Variants in TAFA4 observed in about 807,000 individuals in gnomAD.
TAFA4 encodes the protein chemokine-like protein TAFA-4.
TAFA4 carries 20 observed loss-of-function variants against 21.1 expected under a neutral mutation model. The ratio of observed to expected loss-of-function variants is 0.95; its 90% CI spans 0.67 to 1.38. TAFA4 has a LOEUF of 1.38. Among genes scored for constraint, TAFA4 ranks in the 40% most tolerant of loss-of-function variants. The pLI is 0.00. For synonymous variants in TAFA4, 71 were observed against 67.4 expected (o/e 1.05, Z -0.26); for missense variants, 211 against 180.9 (o/e 1.17, Z -0.95).
chr3:68,885,431 G>A (rs2089661961), intron 1 of TAFA4, 121 bp from the exon 2 acceptor site: 1 of 529,610 alleles, frequency 1.9e-6, no homozygotes, highest in East Asian at 3.1e-5. Flanking sequence ...TCAGGCAAGT[G>A]GCAGACAGCC....
At chr3:68,755,252 A>G (rs1702639535) in intron 3 of TAFA4, among the ~76,000 whole-genome samples, 2 of 152,324 alleles carry the variant, frequency 1.3e-5, no homozygotes, top group South Asian at 4.1e-4. Flanking sequence ...GGTAATTTAC[A>G]TTGGAATCCA....
intron 2 of TAFA4, 25 bp from the exon 3 acceptor site, chr3:68,880,870 C>A: frequency 6.3e-7 from 1 of 1,598,440 alleles, no homozygotes; most frequent in South Asian, 1.1e-5. Flanking sequence ...GGGCTGGAGT[C>A]AGTGAGGGCT....
chr3:68,789,343 T>C (rs1050475068), intron 3 of TAFA4, among the ~76,000 whole-genome samples: 4 of 152,232 alleles, frequency 2.6e-5, no homozygotes, highest in African/African-American at 4.8e-5. Context: ...TGCTGGCCTA[T>C]GCACTTCTTT....
chr3:68,801,059 T>C (rs756312403), intron 3 of TAFA4, among the ~76,000 whole-genome samples: 4 of 152,188 alleles, frequency 2.6e-5, no homozygotes, highest in Non-Finnish European at 4.4e-5. Flanking sequence ...ATCATTAACT[T>C]GCATGACTCC....
At chr3:68,916,839 G>GCTC (rs1233744532) in intron 1 of TAFA4, among the ~76,000 whole-genome samples, 3 of 152,118 alleles carry the variant, frequency 2.0e-5, no homozygotes, top group African/African-American at 7.2e-5. Context: ...TTAGAAAGGA[G>GCTC]GAAGATCCAG....
At chr3:68,768,832 A>G (rs947301906) in intron 3 of TAFA4, among the ~76,000 whole-genome samples, 6 of 152,170 alleles carry the variant, frequency 3.9e-5, no homozygotes, top group Admixed American at 1.3e-4. Flanking sequence ...AATGAAATAA[A>G]CCAGGCACAG....
chr3:68,825,166 C>T (rs1484878992), intron 3 of TAFA4, among the ~76,000 whole-genome samples: 1 of 152,140 alleles, frequency 6.6e-6, no homozygotes, highest in Admixed American at 6.5e-5. Context: ...TGATGATCAC[C>T]TCCCTGTGTC....
intron 1 of TAFA4, among the ~76,000 whole-genome samples, chr3:68,892,531 A>G (rs1474308708): frequency 2.0e-5 from 3 of 152,212 alleles, no homozygotes; most frequent in African/African-American, 4.8e-5. Flanking sequence ...TGACCACTAC[A>G]CAAGCTATAC....
At chr3:68,833,108 C>T (rs1704439579) in intron 3 of TAFA4, among the ~76,000 whole-genome samples, 1 of 152,236 alleles carries the variant, frequency 6.6e-6, no homozygotes, top group African/African-American at 2.4e-5. Context: ...GGTATAGTCA[C>T]TCACAGCTTC....
At chr3:68,775,284 G>A (rs966004758) in intron 3 of TAFA4, among the ~76,000 whole-genome samples, 1 of 152,182 alleles carries the variant, frequency 6.6e-6, no homozygotes, top group Non-Finnish European at 1.5e-5. Flanking sequence ...GACAGAGAGA[G>A]ACTCACTAGG....
chr3:68,734,678 A>C (rs1188050549), intron 5 of TAFA4, among the ~76,000 whole-genome samples: 2 of 152,182 alleles, frequency 1.3e-5, no homozygotes, highest in East Asian at 3.9e-4. Flanking sequence ...GTGATGGGGT[A>C]GAGATTGTCT....
chr3:68,861,350 A>G (rs2089342039), intron 3 of TAFA4, among the ~76,000 whole-genome samples: 1 of 151,848 alleles, frequency 6.6e-6, no homozygotes, highest in Admixed American at 6.6e-5. Flanking sequence ...AGCTGAGACG[A>G]CAGGCTGCAG....
rs1704214574 is a variant in TAFA4 at position 68,825,784 on chromosome 3, G to A, written c.130+54946C>T. ...ATCTGTGACCATTCTGCCCTTCTAT[G>A]CAAGGCTCCATCTTGGATTCTATTG... On this transcript the variant is annotated intron_variant, in intron 3 of 5. Coordinates refer to ENST00000295569, the MANE Select transcript of TAFA4 (RefSeq NM_182522.5). Among the ~76,000 whole-genome samples the A allele has an allele frequency of 3.3e-5, 5 of 152,292 alleles. No homozygotes were observed. In the South Asian group the frequency reaches 8.3e-4, roughly 25 times the overall value.
chr3:68,837,457 A>G (rs1164871246), intron 3 of TAFA4, among the ~76,000 whole-genome samples: 1 of 151,928 alleles, frequency 6.6e-6, no homozygotes, highest in Non-Finnish European at 1.5e-5. Context: ...CCTTCCTTCC[A>G]CTCCAGCCAA....
intron 4 of TAFA4, among the ~76,000 whole-genome samples, chr3:68,751,195 G>GAC (rs1186680005): frequency 6.6e-6 from 1 of 152,194 alleles, no homozygotes; most frequent in Non-Finnish European, 1.5e-5. Context: ...AGAGAACTGA[G>GAC]ACACAGATCT....
At chr3:68,783,329 G>A (rs1703184443) in intron 3 of TAFA4, among the ~76,000 whole-genome samples, 1 of 152,138 alleles carries the variant, frequency 6.6e-6, no homozygotes, top group Non-Finnish European at 1.5e-5. Flanking sequence ...ATTTCTATTT[G>A]CAGATTACAT....
intron 3 of TAFA4, among the ~76,000 whole-genome samples, chr3:68,876,724 A>G (rs2089553328): frequency 6.7e-6 from 1 of 149,510 alleles, no homozygotes. Context: ...TATTTTGCAT[A>G]ATCATTTATA....
At chr3:68,784,950 A>C in intron 3 of TAFA4, among the ~76,000 whole-genome samples, 1 of 152,126 alleles carries the variant, frequency 6.6e-6, no homozygotes, top group South Asian at 2.1e-4. Flanking sequence ...TGCATTCACA[A>C]ACCCTGAGCT....
At chr3:68,927,221 A>G (rs1344127916) in intron 1 of TAFA4, among the ~76,000 whole-genome samples, 1 of 152,232 alleles carries the variant, frequency 6.6e-6, no homozygotes, top group Non-Finnish European at 1.5e-5. Flanking sequence ...TTTTAGGCCC[A>G]ATGATTCCCA....
Sources: allele counts gnomAD v4.1 joint callset (sites outside exome capture counted in the v4.1 genomes callset), GRCh38; gene constraint gnomAD v4.1.1; transcripts MANE v1.5; gene names NCBI Gene and HGNC (gene_info 2026-07-23, HGNC 2026-07-21).